Variants in PPM1L observed in about 807,000 individuals in gnomAD.
PPM1L encodes protein phosphatase, Mg2+/Mn2+ dependent 1L.
PPM1L carries 13 observed loss-of-function variants against 31.4 expected under a neutral mutation model. The ratio of observed to expected loss-of-function variants is 0.41; its 90% CI spans 0.27 to 0.66. The LOEUF is 0.66. Ranked by LOEUF, PPM1L falls within the 30% of genes least tolerant of loss-of-function variation. The pLI is 0.29. For missense variants in PPM1L, 326 were observed against 453.7 expected, an observed-to-expected ratio of 0.72 and a Z score of 2.56; for synonymous variants, 184 against 175.4, an observed-to-expected ratio of 1.05 and a Z score of -0.39.
At chr3:160,839,477 A>T (rs892058476) in intron 1 of PPM1L, among the ~76,000 whole-genome samples, 1 of 147,856 alleles carries the variant, frequency 6.8e-6, no homozygotes, top group African/African-American at 2.7e-5. Flanking sequence ...GTTTATTTTT[A>T]AAACAAGGTC....
chr3:161,065,277 G>T, intron 2 of PPM1L, 126 bp from the exon 3 acceptor site: 2 of 807,288 alleles, frequency 2.5e-6, no homozygotes, highest in Non-Finnish European at 2.0e-6. Flanking sequence ...TTCTCAGAGT[G>T]GCTGGAGTCA....
intron 1 of PPM1L, among the ~76,000 whole-genome samples, chr3:160,816,261 TTG>T (rs71147385): frequency 0.41 from 60,106 of 147,544 alleles, 12,325 homozygotes; most frequent in East Asian, 0.59. Flanking sequence ...GCAGTTTCAT[TTG>T]TGTGTGTGTG....
At chr3:160,814,614 T>TAC (rs917681523) in intron 1 of PPM1L, among the ~76,000 whole-genome samples, 2 of 139,174 alleles carry the variant, frequency 1.4e-5, no homozygotes, top group Non-Finnish European at 1.5e-5. Context: ...TGTATATATA[T>TAC]ACACACACAT....
At chr3:160,865,681 A>C (rs1712063202) in intron 1 of PPM1L, among the ~76,000 whole-genome samples, 1 of 152,206 alleles carries the variant, frequency 6.6e-6, no homozygotes, top group Admixed American at 6.5e-5. Flanking sequence ...AGGCTGAGGC[A>C]AGAGAATTGC....
At chr3:160,905,458 T>C (rs1488444800) in intron 1 of PPM1L, among the ~76,000 whole-genome samples, 1 of 152,234 alleles carries the variant, frequency 6.6e-6, no homozygotes, top group Non-Finnish European at 1.5e-5. Flanking sequence ...AGATATATAC[T>C]TTATTTAACT....
chr3:160,928,192 C>T (rs763742107), intron 1 of PPM1L, among the ~76,000 whole-genome samples: 63 of 152,158 alleles, frequency 4.1e-4, no homozygotes, highest in Non-Finnish European at 7.6e-4. Flanking sequence ...ACCTTGGATA[C>T]GTTCCTTAGT....
chr3:160,990,837 G>T (rs1717108659), intron 2 of PPM1L, among the ~76,000 whole-genome samples: 2 of 152,160 alleles, frequency 1.3e-5, no homozygotes, highest in African/African-American at 4.8e-5. Context: ...AGTCTCTTTT[G>T]TAGGACTGTC....
At chr3:160,862,506 G>T (rs924494465) in intron 1 of PPM1L, among the ~76,000 whole-genome samples, 2 of 152,082 alleles carry the variant, frequency 1.3e-5, no homozygotes, top group African/African-American at 2.4e-5. Context: ...CCTGGGTTTT[G>T]ATTTAAAGTA....
At chr3:160,795,256 C>G (rs1712214815) in intron 1 of PPM1L, among the ~76,000 whole-genome samples, 1 of 152,136 alleles carries the variant, frequency 6.6e-6, no homozygotes, top group Non-Finnish European at 1.5e-5. Context: ...GACAGTCCCC[C>G]CTTTTCTAAG....
At chr3:161,003,669 T>G (rs9755360) in intron 2 of PPM1L, among the ~76,000 whole-genome samples, 46,905 of 151,888 alleles carry the variant, frequency 0.31, 7,689 homozygotes, top group East Asian at 0.63. Flanking sequence ...AGAAGGCTTG[T>G]GATTTTTGTA....
At chr3:160,944,511 A>C (rs960022167) in intron 1 of PPM1L, among the ~76,000 whole-genome samples, 4 of 149,830 alleles carry the variant, frequency 2.7e-5, no homozygotes, top group Admixed American at 1.4e-4. Flanking sequence ...AGACTCTCTA[A>C]CTTTTTAGGT....
chr3:160,974,206 A>C (rs1559909670), intron 2 of PPM1L, among the ~76,000 whole-genome samples: 1 of 151,720 alleles, frequency 6.6e-6, no homozygotes, highest in Non-Finnish European at 1.5e-5. Flanking sequence ...TGAACTCAAC[A>C]TTTTTTATGG....
intron 1 of PPM1L, among the ~76,000 whole-genome samples, chr3:160,860,721 T>C (rs1711856443): frequency 6.6e-6 from 1 of 152,140 alleles, no homozygotes. Flanking sequence ...TTTCTCACAG[T>C]TTTGGAGGCT....
chr3:161,022,316 G>A, intron 2 of PPM1L: 1 of 433,110 alleles, frequency 2.3e-6, no homozygotes, highest in Non-Finnish European at 4.1e-6. Context: ...CAAATTATAT[G>A]CTTATACATT....
At chr3:160,799,208 G>A (rs1902282) in intron 1 of PPM1L, among the ~76,000 whole-genome samples, 59,481 of 152,150 alleles carry the variant, frequency 0.39, 12,714 homozygotes, top group East Asian at 0.59. Flanking sequence ...ATAAAGCAGC[G>A]GCAGGCTGAG....
intron 1 of PPM1L, among the ~76,000 whole-genome samples, chr3:160,847,598 GGAAA>G: frequency 1.3e-5 from 2 of 151,994 alleles, no homozygotes; most frequent in Non-Finnish European, 2.9e-5. Flanking sequence ...ATGCTGCCTT[GGAAA>G]TACCTGCAAA....
intron 1 of PPM1L, among the ~76,000 whole-genome samples, chr3:160,939,503 G>A (rs535743844): frequency 2.0e-4 from 30 of 152,272 alleles, no homozygotes; most frequent in African/African-American, 5.8e-4. Flanking sequence ...GAATTCCCAC[G>A]TGTTGCGGAA....
intron 2 of PPM1L, among the ~76,000 whole-genome samples, chr3:161,027,517 A>C (rs181504921): frequency 6.6e-6 from 1 of 152,284 alleles, no homozygotes; most frequent in African/African-American, 2.4e-5. Flanking sequence ...AGAAAGAGAG[A>C]ACTTGTATAG....
chr3:160,983,389 T>G (rs1716863818), intron 2 of PPM1L, among the ~76,000 whole-genome samples: 1 of 151,942 alleles, frequency 6.6e-6, no homozygotes, highest in Non-Finnish European at 1.5e-5. Context: ...AATGAGCTTG[T>G]CTAAAAATAG....
Sources: gnomAD v4.1 joint callset for allele counts (sites outside exome capture counted in the v4.1 genomes callset) on GRCh38, gnomAD v4.1.1 for gene constraint, MANE v1.5 for transcripts, NCBI Gene and HGNC (gene_info 2026-07-23, HGNC 2026-07-21) for gene names.